The following EPB41L2 variants were observed in gnomAD, a reference collection of about 807,000 sequenced individuals.
The protein encoded by EPB41L2 is erythrocyte membrane protein band 4.1 like 2, also known as band 4.1-like protein 2.
In EPB41L2, 43 loss-of-function variants were observed where a neutral mutation model predicts 113.0. That is an observed-to-expected ratio of 0.38 (90% CI 0.30 to 0.49). The LOEUF is 0.49. EPB41L2 is among the 20% of genes least tolerant of loss of function. The pLI is 0.95. For missense variants in EPB41L2, 1,147 were observed against 1,223.4 expected (o/e 0.94, Z 0.93); for synonymous variants, 442 against 436.7 (o/e 1.01, Z -0.15).
intron 1 of EPB41L2, among the ~76,000 whole-genome samples, chr6:131,010,097 C>A (rs1056111682): frequency 1.3e-5 from 2 of 152,282 alleles, no homozygotes; most frequent in African/African-American, 2.4e-5. Flanking sequence ...CTAATTAATG[C>A]TTTCATGTAA....
Position 130,899,568 on chromosome 6 carries a change from G to T in EPB41L2, c.1159C>A (p.Pro387Thr), listed in dbSNP as rs756090225. ...AAGAACTGGGAATCAGCTTGTGCTG[G>T]CGATAAGCCCCTGAGAATCAAAAGA... ...ELHKTHRGLS[P>T]AQADSQFLEN... Residue 387 changes from proline (P) to threonine (T), a missense_variant, in exon 8 of 20, where the codon CCA becomes ACA. By Grantham distance (38) the Pro-to-Thr change is conservative. Coordinates refer to ENST00000337057, the MANE Select transcript of EPB41L2 (RefSeq NM_001431.4). The T allele has an allele frequency of 6.7e-5, 108 of 1,613,658 alleles. No individual in the cohort carries two copies. Among genetic ancestry groups the T allele is most frequent in the Non-Finnish European group, 9.1e-5 (107 of 1,179,762 alleles).
At chr6:130,927,005 A>T (rs1186273784) in intron 3 of EPB41L2, among the ~76,000 whole-genome samples, 1 of 152,198 alleles carries the variant, frequency 6.6e-6, no homozygotes, top group African/African-American at 2.4e-5. Context: ...TCATTTTCTT[A>T]TTTCAAAAAT....
At chr6:130,850,181 T>C (rs979109901) in intron 19 of EPB41L2, among the ~76,000 whole-genome samples, 5 of 152,112 alleles carry the variant, frequency 3.3e-5, no homozygotes, top group Non-Finnish European at 5.9e-5. Flanking sequence ...GAAGTTACAG[T>C]GAACCAAGAT....
chr6:130,901,310 A>G, intron 6 of EPB41L2, 130 bp from the exon 7 acceptor site: 3 of 711,274 alleles, frequency 4.2e-6, no homozygotes. Context: ...TATAAACAGC[A>G]AAAATCATCT....
chr6:130,910,738 G>C (rs1249837359), intron 4 of EPB41L2, among the ~76,000 whole-genome samples: 3 of 152,302 alleles, frequency 2.0e-5, no homozygotes, highest in East Asian at 3.9e-4. Flanking sequence ...CTTCTCAAAA[G>C]AAGACATTTA....
intron 1 of EPB41L2, among the ~76,000 whole-genome samples, chr6:131,002,172 T>C (rs1012079856): frequency 5.9e-5 from 9 of 152,176 alleles, no homozygotes; most frequent in South Asian, 2.1e-4. Flanking sequence ...TGCTTTTTTT[T>C]CAGAGGCATT....
Position 130,878,186 on chromosome 6 carries a change from T to C in EPB41L2, c.1961A>G (p.Asn654Ser). The change falls in exon 14 of 20, where the codon AAT (asparagine) becomes AGT (serine). Residue 654 changes from asparagine to serine, a missense_variant. Physicochemically the swap from Asn to Ser is conservative, Grantham distance 46 (BLOSUM62 1). Coordinates refer to ENST00000337057, the MANE Select transcript of EPB41L2 (RefSeq NM_001431.4). ...HQASISELKR[N>S]FMESTPEPRP... The stretch of plus-strand genomic sequence containing the variant: ...CGGCTCAGGTGTGGATTCCATAAAA[T>C]TGCGCTTGAGTTCACTAATGCTAGC... 1 of 1,613,634 alleles carries C rather than the reference T, an allele frequency of 6.2e-7. No homozygotes were observed. Among genetic ancestry groups the C allele is most frequent in the Non-Finnish European group, 8.5e-7 (1 of 1,179,848 alleles).
intron 19 of EPB41L2, among the ~76,000 whole-genome samples, chr6:130,855,019 C>G (rs921929754): frequency 2.6e-5 from 4 of 152,070 alleles, no homozygotes; most frequent in East Asian, 1.9e-4. Flanking sequence ...GCCTGGGAGA[C>G]AGAGGGATAC....
Position 130,956,474 on chromosome 6 carries a change from T to A in EPB41L2, c.12A>T (p.Glu4Asp). 1 of 1,612,600 alleles carries A rather than the reference T, an allele frequency of 6.2e-7. No individual in the cohort carries two copies. Among genetic ancestry groups the A allele is most frequent in the Non-Finnish European group, 8.5e-7 (1 of 1,179,482 alleles). Residue 4 changes from glutamate (E) to aspartate (D), a missense_variant, in exon 2 of 20, where the codon GAA becomes GAT. Coordinates refer to ENST00000337057, the MANE Select transcript of EPB41L2 (RefSeq NM_001431.4). Reference protein sequence around the residue: MTTEVGSVSEVKKD... With the variant: MTTDVGSVSEVKKD... ...TCTTCACTTCAGACACAGAGCCTAC[T>A]TCAGTAGTCATGGCCACAGCTTATG... is the stretch of plus-strand genomic sequence containing the variant.
At chr6:131,055,630 A>G (rs1584819545) in intron 1 of EPB41L2, among the ~76,000 whole-genome samples, 2 of 152,232 alleles carry the variant, frequency 1.3e-5, no homozygotes, top group Admixed American at 1.3e-4. Flanking sequence ...ATTAAAAGCA[A>G]TAACTGGAAC....
At position 130,857,158 on chromosome 6, in the gene EPB41L2, A is replaced by G. The variant is rs182758117; in HGVS notation, c.*5+973T>C. Among the ~76,000 whole-genome samples, 111 of 152,326 alleles carry G rather than the reference A, an allele frequency of 7.3e-4. 1 individual carries two copies. Among genetic ancestry groups the G allele is most frequent in the African/African-American group, 2.6e-3 (108 of 41,576 alleles). ...TCCATAAAATATTACTAATTTATAC[A>G]GCAGTATATATTTCCTGCAGCCTTC... On this transcript the variant is annotated intron_variant, in intron 19 of 19. Coordinates refer to ENST00000337057, the MANE Select transcript of EPB41L2 (RefSeq NM_001431.4).
At chr6:131,054,996 C>T (rs543171425) in intron 1 of EPB41L2, among the ~76,000 whole-genome samples, 2 of 152,326 alleles carry the variant, frequency 1.3e-5, no homozygotes, top group South Asian at 2.1e-4. Context: ...GGGTGGCATA[C>T]GCAGTCTGTC....
intron 1 of EPB41L2, among the ~76,000 whole-genome samples, chr6:130,992,636 CT>C (rs35391247): frequency 8.4e-4 from 122 of 145,200 alleles, no homozygotes; most frequent in Middle Eastern, 3.5e-3. Context: ...AATTCAAATT[CT>C]TTTTTTTTTT....
Position 130,858,244 on chromosome 6 carries a change from C to T in EPB41L2, c.2911-1G>A, listed in dbSNP as rs145352303. 1 of 1,610,056 alleles carries T rather than the reference C, an allele frequency of 6.2e-7. No homozygotes were observed. Among genetic ancestry groups the T allele is most frequent in the African/African-American group, 1.3e-5 (1 of 74,922 alleles). ...CTTCCCTGATCGCCTGAGCCAGTGCCTGCCAGGGTCAGGACAGAGAACGGC... is the reference window on the plus strand; with the variant it reads ...CTTCCCTGATCGCCTGAGCCAGTGCTTGCCAGGGTCAGGACAGAGAACGGC... On this transcript the variant is annotated splice_acceptor_variant, in intron 18 of 19. Transcript: ENST00000337057. LOFTEE classifies it high-confidence loss of function.
At chr6:130,937,636 T>C (rs1809277396) in intron 3 of EPB41L2, among the ~76,000 whole-genome samples, 1 of 152,168 alleles carries the variant, frequency 6.6e-6, no homozygotes, top group African/African-American at 2.4e-5. Flanking sequence ...CTGGCCAAGA[T>C]GGTGAAACCA....
At chr6:131,008,453 G>C (rs1034810191) in intron 1 of EPB41L2, among the ~76,000 whole-genome samples, 1 of 152,284 alleles carries the variant, frequency 6.6e-6, no homozygotes, top group Non-Finnish European at 1.5e-5. Flanking sequence ...AAGAACCTCT[G>C]CTAGGGCAGT....
intron 1 of EPB41L2, among the ~76,000 whole-genome samples, chr6:131,048,652 C>T (rs1196996526): frequency 6.6e-6 from 1 of 152,136 alleles, no homozygotes; most frequent in Admixed American, 6.6e-5. Context: ...AAGGGAAATA[C>T]AGATGAAACA....
rs150344731 is a variant in EPB41L2, at chr6:130,867,399, A to C, written c.2730+60T>G. ...TGTAAACTAAGAGAAGAAAGAATGA[A>C]AACATAGATACACTAAGGGAAAAAA... On this transcript the variant is annotated intron_variant, in intron 16 of 19. Transcript: ENST00000337057. The C allele has an allele frequency of 1.4e-5, 22 of 1,565,054 alleles. No homozygotes were observed. In the East Asian group the frequency reaches 5.0e-4, roughly 35 times the overall value.
At chr6:130,969,812 AG>A (rs1776305069) in intron 1 of EPB41L2, among the ~76,000 whole-genome samples, 1 of 152,248 alleles carries the variant, frequency 6.6e-6, no homozygotes, top group African/African-American at 2.4e-5. Flanking sequence ...AACCTTACAT[AG>A]TCCTCACTGT....
Sources: gnomAD v4.1 joint callset for allele counts (sites outside exome capture counted in the v4.1 genomes callset) on GRCh38, gnomAD v4.1.1 for gene constraint, MANE v1.5 for transcripts, NCBI Gene and HGNC (gene_info 2026-07-23, HGNC 2026-07-21) for gene names.